The following MARVELD2 variants were observed in gnomAD, a reference collection of about 807,000 sequenced individuals.
MARVELD2 encodes MARVEL domain-containing protein 2.
Under a neutral mutation model 57.6 loss-of-function variants are expected in MARVELD2, and 49 were observed. That is an observed-to-expected ratio of 0.85 (90% CI 0.68 to 1.08). MARVELD2 has a LOEUF of 1.08. Ranked by LOEUF, MARVELD2 falls within the 50% of genes least tolerant of loss-of-function variation. The pLI is 0.00. For missense variants in MARVELD2, 606 were observed against 701.1 expected, an observed-to-expected ratio of 0.86 and a Z score of 1.53; for synonymous variants, 238 against 258.8, an observed-to-expected ratio of 0.92 and a Z score of 0.77.
Position 69,440,513 on chromosome 5 carries a change from G to C in MARVELD2, c.1554+13G>C, listed in dbSNP as rs553794687. The C allele has an allele frequency of 2.9e-6, 4 of 1,387,058 alleles. 1 individual carries two copies. Among genetic ancestry groups the C allele is most frequent in the Admixed American group, 1.7e-5 (1 of 58,658 alleles). The allele number at this position is 1,387,058 out of a possible 1,614,324, so 85.9% of individuals were successfully genotyped here. On this transcript the variant is annotated intron_variant, in intron 6 of 6. Transcript: ENST00000325631. Reference sequence around the variant, plus strand: ...GAAAAAAAAGAATGTGAGTAAAACAGTTTTCTTCAAACTGTATTCTTATCC... The same window carrying C: ...GAAAAAAAAGAATGTGAGTAAAACACTTTTCTTCAAACTGTATTCTTATCC...
intron 2 of MARVELD2, among the ~76,000 whole-genome samples, chr5:69,423,097 T>C (rs1447299411): frequency 6.6e-6 from 1 of 152,116 alleles, no homozygotes; most frequent in Non-Finnish European, 1.5e-5. Context: ...GGTTTTGCCA[T>C]GTTGGCCAGG....
intron 2 of MARVELD2, among the ~76,000 whole-genome samples, chr5:69,423,920 TAC>T (rs1766705603): frequency 6.6e-6 from 1 of 152,240 alleles, no homozygotes; most frequent in Admixed American, 6.5e-5. Flanking sequence ...TTCTTAAAGT[TAC>T]AATTTATTTC....
chr5:69,425,349 C>T (rs1269096076), intron 3 of MARVELD2, among the ~76,000 whole-genome samples: 1 of 148,314 alleles, frequency 6.7e-6, no homozygotes, highest in Non-Finnish European at 1.5e-5. Context: ...ACATATGTGA[C>T]TAACCTGCAC....
chr5:69,424,545 T>C, intron 2 of MARVELD2, 56 bp from the exon 3 acceptor site: 1 of 1,456,528 alleles, frequency 6.9e-7, no homozygotes, highest in South Asian at 1.1e-5. Context: ...GATGAAAATA[T>C]TTGCAAAGTA....
chr5:69,440,615 C>T (rs1580503278), intron 6 of MARVELD2, 115 bp downstream of exon 6: 1 of 659,306 alleles, frequency 1.5e-6, no homozygotes, highest in Non-Finnish European at 2.7e-6. Flanking sequence ...ATGGGATGCT[C>T]CTTTTAAGAG....
intron 2 of MARVELD2, among the ~76,000 whole-genome samples, chr5:69,422,062 T>C (rs1489570915): frequency 6.6e-6 from 1 of 152,228 alleles, no homozygotes; most frequent in East Asian, 1.9e-4. Context: ...TGTGATTTCC[T>C]ATGCCTGTCT....
At position 69,440,680 on chromosome 5, in the gene MARVELD2, G is replaced by A. The variant is rs182367980; in HGVS notation, c.1554+180G>A. ...ATGTCTGCTCTGAATACATTTTGCT[G>A]TGTCCTGATTTAGCAACCTAGAGAA... On this transcript the variant is annotated intron_variant, in intron 6 of 6. Transcript: ENST00000325631. 2.0e-5 allele frequency among the ~76,000 whole-genome samples: 3 copies of A among 152,282 alleles called. No individual in the cohort carries two copies. The East Asian group carries it at 5.8e-4, about 29-fold the overall frequency.
intron 3 of MARVELD2, among the ~76,000 whole-genome samples, chr5:69,425,714 AAG>A (rs1766769278): frequency 6.6e-6 from 1 of 150,434 alleles, no homozygotes. Flanking sequence ...ACAGTTAAAA[AAG>A]AAATTAATAA....
intron 2 of MARVELD2, among the ~76,000 whole-genome samples, chr5:69,424,275 T>G (rs986345177): frequency 5.9e-5 from 9 of 152,146 alleles, no homozygotes; most frequent in Non-Finnish European, 1.3e-4. Context: ...AGAGTAATTG[T>G]CCTAACTCTT....
At chr5:69,436,716 G>A (rs1767155317) in intron 5 of MARVELD2, among the ~76,000 whole-genome samples, 1 of 152,116 alleles carries the variant, frequency 6.6e-6, no homozygotes, top group Non-Finnish European at 1.5e-5. Context: ...TAAGAAGGGT[G>A]ACCTAGTCTC....
intron 1 of MARVELD2, among the ~76,000 whole-genome samples, chr5:69,418,249 A>T (rs1766490433): frequency 6.6e-6 from 1 of 152,144 alleles, no homozygotes; most frequent in Non-Finnish European, 1.5e-5. Context: ...GAATGAAAAA[A>T]TTTTTTTAAG....
At chr5:69,433,429 GTCAT>G (rs1767033815) in intron 5 of MARVELD2, among the ~76,000 whole-genome samples, 1 of 148,586 alleles carries the variant, frequency 6.7e-6, no homozygotes, top group African/African-American at 2.5e-5. Flanking sequence ...TGGGATTACA[GTCAT>G]GAGCCACCGC....
At position 69,432,815 on chromosome 5, in the gene MARVELD2, A is replaced by G. The variant is rs189245074; in HGVS notation, c.1332-107A>G. The G allele has an allele frequency of 5.4e-5, 83 of 1,540,780 alleles. No homozygotes were observed. In the East Asian group the frequency reaches 1.6e-3, roughly 29 times the overall value. Reference sequence around the variant, plus strand: ...ATAGTTGTTATCTGAGAGGTAATGTATTGAATTGAAGGTACAATATGATCA... The same window carrying G: ...ATAGTTGTTATCTGAGAGGTAATGTGTTGAATTGAAGGTACAATATGATCA... On this transcript the variant is annotated intron_variant, in intron 4 of 6. Coordinates refer to ENST00000325631, the MANE Select transcript of MARVELD2 (RefSeq NM_001038603.3).
intron 3 of MARVELD2, among the ~76,000 whole-genome samples, chr5:69,427,579 AT>A (rs1308470672): frequency 6.6e-6 from 1 of 152,102 alleles, no homozygotes; most frequent in Admixed American, 6.6e-5. Flanking sequence ...CATTCAGCCC[AT>A]TTTTAAGTTG....
intron 3 of MARVELD2, among the ~76,000 whole-genome samples, 176 bp from the exon 4 acceptor site, chr5:69,432,351 G>C (rs1354382740): frequency 6.6e-6 from 1 of 152,098 alleles, no homozygotes; most frequent in East Asian, 1.9e-4. Context: ...ATGTTGGCCA[G>C]GCTGGTCTTG....
intron 3 of MARVELD2, among the ~76,000 whole-genome samples, chr5:69,428,833 C>A (rs929977860): frequency 1.3e-5 from 2 of 152,022 alleles, no homozygotes; most frequent in Non-Finnish European, 2.9e-5. Context: ...AGGAGTTAAA[C>A]CATGTGTCCA....
At position 69,443,735 on chromosome 5, in the gene MARVELD2, T is replaced by C. The variant is rs1481790094; in HGVS notation, c.*2081T>C. The C allele has an allele frequency of 6.6e-6, 1 of 152,038 alleles. No individual in the cohort carries two copies. The highest frequency in any genetic ancestry group is 1.5e-5 in the Non-Finnish European group (1 of 68,008). The allele number at this position is 152,038 out of a possible 1,614,324, so 9.4% of individuals were successfully genotyped here. ...TTAATGTTCAAAGAGTTTTCTAAAG[T>C]GATAAAACCAAAGAAAAGCATGTGG... On this transcript the variant is annotated 3_prime_UTR_variant, in exon 7 of 7. Coordinates refer to ENST00000325631, the MANE Select transcript of MARVELD2 (RefSeq NM_001038603.3).
intron 5 of MARVELD2, among the ~76,000 whole-genome samples, chr5:69,439,755 A>G (rs1767271995): frequency 6.6e-6 from 1 of 151,752 alleles, no homozygotes; most frequent in African/African-American, 2.4e-5. Flanking sequence ...CTGTCTTAAA[A>G]TGAAAAAAAA....
intron 3 of MARVELD2, among the ~76,000 whole-genome samples, chr5:69,427,576 C>T (rs1766829234): frequency 6.6e-6 from 1 of 152,090 alleles, no homozygotes; most frequent in African/African-American, 2.4e-5. Context: ...ATTCATTCAG[C>T]CCATTTTTAA....
Sources: gnomAD v4.1 joint callset for allele counts (sites outside exome capture counted in the v4.1 genomes callset) on GRCh38, gnomAD v4.1.1 for gene constraint, MANE v1.5 for transcripts, NCBI Gene and HGNC (gene_info 2026-07-23, HGNC 2026-07-21) for gene names.